Variants in VIPR2 observed in about 807,000 individuals in gnomAD.
The protein encoded by VIPR2 is vasoactive intestinal polypeptide receptor 2.
A neutral mutation model predicts 58.0 loss-of-function variants in VIPR2; 48 were observed. That is an observed-to-expected ratio of 0.83 (90% CI 0.66 to 1.05). The LOEUF (loss-of-function observed/expected upper bound fraction) is 1.05, where lower values mean the gene tolerates loss of function less well. Ranked by LOEUF, VIPR2 falls within the 50% of genes least tolerant of loss-of-function variation. The pLI is 0.00. For missense variants in VIPR2, 534 were observed against 558.0 expected, an observed-to-expected ratio of 0.96 and a Z score of 0.43; for synonymous variants, 243 against 235.2, an observed-to-expected ratio of 1.03 and a Z score of -0.30.
At chr7:159,112,744 C>CCCGGCT (rs1796079139) in intron 2 of VIPR2, among the ~76,000 whole-genome samples, 1 of 99,838 alleles carries the variant, frequency 1.0e-5, no homozygotes, top group East Asian at 4.6e-4. Context: ...TACCTGGGAC[C>CCCGGCT]GACCCTGACT....
intron 7 of VIPR2, 96 bp downstream of exon 7, chr7:159,036,656 G>T: frequency 7.0e-7 from 1 of 1,438,692 alleles, no homozygotes; most frequent in Non-Finnish European, 9.3e-7. Context: ...TGCATTCTAC[G>T]GGGGCGGCAA....
At position 159,099,769 on chromosome 7, in the gene VIPR2, C is replaced by T. The variant is rs1442417454; in HGVS notation, c.357+3988G>A. 2.0e-5 allele frequency among the ~76,000 whole-genome samples: 3 copies of T among 152,044 alleles called. No individual in the cohort carries two copies. Among genetic ancestry groups the T allele is most frequent in the Non-Finnish European group, 2.9e-5 (2 of 68,002 alleles). On this transcript the variant is annotated intron_variant, in intron 4 of 12. Coordinates refer to ENST00000262178, the MANE Select transcript of VIPR2 (RefSeq NM_003382.5). This position sits in a 1 kb window ranked among gnomAD's most constrained non-coding sequence, Gnocchi z 4.2. ...GGGGATCCCACCTGGACCTTGAAAT[C>T]CCCCCCAGGCCACAGAAGCCCCTGA... is the stretch of plus-strand genomic sequence containing the variant.
intron 2 of VIPR2, among the ~76,000 whole-genome samples, chr7:159,115,538 A>G (rs1796203492): frequency 6.6e-6 from 1 of 152,254 alleles, no homozygotes; most frequent in Non-Finnish European, 1.5e-5. Flanking sequence ...CCTCTCACCC[A>G]AAGTCATGGT....
intron 1 of VIPR2, 95 bp downstream of exon 1, chr7:159,144,626 G>A: frequency 1.4e-6 from 2 of 1,383,036 alleles, no homozygotes; most frequent in Non-Finnish European, 1.9e-6. Context: ...TCCAGCACCC[G>A]GGAGGAAGGC....
intron 5 of VIPR2, among the ~76,000 whole-genome samples, chr7:159,043,829 TGAATAA>T (rs1244673508): frequency 6.6e-6 from 1 of 152,202 alleles, no homozygotes; most frequent in Non-Finnish European, 1.5e-5. Flanking sequence ...GGAAGCTGAA[TGAATAA>T]GCTCCCGCCA....
chr7:159,046,233 G>T lies in VIPR2; in HGVS notation c.456-3057C>A, dbSNP rs74344236. Among the ~76,000 whole-genome samples the T allele has an allele frequency of 2.6e-4, 40 of 152,238 alleles. No homozygotes were observed. In the South Asian group the frequency reaches 4.6e-3, roughly 17 times the overall value. Reference sequence around the variant, plus strand: ...TTGTAGGTATACGCTCCAAAGAGTTGGAAACAAGTTTTCAAACAAAACGTG... The same window carrying T: ...TTGTAGGTATACGCTCCAAAGAGTTTGAAACAAGTTTTCAAACAAAACGTG... On this transcript the variant is annotated intron_variant, in intron 5 of 12. Coordinates refer to ENST00000262178, the MANE Select transcript of VIPR2 (RefSeq NM_003382.5).
At position 159,040,733 on chromosome 7, in the gene VIPR2, C is replaced by G. The variant is rs1234122121; in HGVS notation, c.597+2302G>C. Among the ~76,000 whole-genome samples, 3 of 152,206 alleles carry G rather than the reference C, an allele frequency of 2.0e-5. No individual in the cohort carries two copies. In the South Asian group the frequency reaches 6.2e-4, roughly 32 times the overall value. On this transcript the variant is annotated intron_variant, in intron 6 of 12. Transcript: ENST00000262178. ...CAAAAAAATTCAACTGGAAGGAAAG[C>G]TATTTTTCCTGTTTCTTATACTGAG...
At chr7:159,081,337 T>C (rs1342573416) in intron 4 of VIPR2, among the ~76,000 whole-genome samples, 2 of 152,238 alleles carry the variant, frequency 1.3e-5, no homozygotes, top group African/African-American at 4.8e-5. Context: ...ATCTGATCTT[T>C]GACAAACCTG....
At chr7:159,061,921 G>C (rs968001203) in intron 4 of VIPR2, among the ~76,000 whole-genome samples, 16 of 152,298 alleles carry the variant, frequency 1.1e-4, no homozygotes, top group African/African-American at 2.6e-4. Flanking sequence ...CTGGGATCCC[G>C]GTGGGAGGGG....
intron 4 of VIPR2, among the ~76,000 whole-genome samples, chr7:159,069,612 C>T (rs1310273281): frequency 2.0e-5 from 3 of 146,650 alleles, no homozygotes; most frequent in Non-Finnish European, 1.5e-5. Context: ...TGGTCTCCAA[C>T]CCTGTTTTCT....
rs1478979714 is a variant in VIPR2, at chr7:159,128,861, C to T, written c.151+13585G>A. 6.6e-6 allele frequency among the ~76,000 whole-genome samples: 1 copy of T among 152,224 alleles called. No homozygotes were observed. Among genetic ancestry groups the T allele is most frequent in the Non-Finnish European group, 1.5e-5 (1 of 68,034 alleles). Reference sequence around the variant, plus strand: ...TCTCCCTCAACTGCTCCCTCCTTCCCTCCCTGCGGCTGAGCTCAGTCCTGA... The same window carrying T: ...TCTCCCTCAACTGCTCCCTCCTTCCTTCCCTGCGGCTGAGCTCAGTCCTGA... On this transcript the variant is annotated intron_variant, in intron 2 of 12. Transcript: ENST00000262178. This position sits in a 1 kb window ranked among gnomAD's most constrained non-coding sequence, Gnocchi z 4.1.
intron 4 of VIPR2, among the ~76,000 whole-genome samples, chr7:159,062,420 A>G (rs1188779802): frequency 6.6e-6 from 1 of 152,120 alleles, no homozygotes; most frequent in East Asian, 1.9e-4. Context: ...ATGTTCGGAC[A>G]TGTTTAGAGT....
chr7:159,036,766 AG>A lies in VIPR2; in HGVS notation c.733del (p.Leu245SerfsTer2). The A allele has an allele frequency of 6.2e-7, 1 of 1,613,434 alleles. No homozygotes were observed. The highest frequency in any genetic ancestry group is 8.5e-7 in the Non-Finnish European group (1 of 1,179,750). On this transcript the variant is annotated frameshift_variant, in exon 7 of 13. Coordinates refer to ENST00000262178, the MANE Select transcript of VIPR2 (RefSeq NM_003382.5). LOFTEE classifies it high-confidence loss of function. Reference sequence around the variant, plus strand: ...GGCACACTTACCCCATCCGATCAGGAGGTAGGCCAGGAAGCACCTTCTAGGG... The same window carrying A: ...GGCACACTTACCCCATCCGATCAGGAGTAGGCCAGGAAGCACCTTCTAGGG... Reference protein sequence around the residue: ...LPPRRCFLAYLLIGWGLPTVC... With the variant: ...LPPRRCFLAYXLIGWGLPTVC...
chr7:159,052,972 ATGT>A (rs1034224701), intron 5 of VIPR2, among the ~76,000 whole-genome samples: 3 of 152,334 alleles, frequency 2.0e-5, no homozygotes, highest in African/African-American at 7.2e-5. Flanking sequence ...AAATAAGAAA[ATGT>A]TGTTTGCTAT....
chr7:159,141,929 T>C (rs1272516109), intron 2 of VIPR2, among the ~76,000 whole-genome samples: 2 of 152,234 alleles, frequency 1.3e-5, no homozygotes, highest in East Asian at 3.8e-4. Context: ...TGGAGCATGA[T>C]GGCCCAGCAT....
chr7:159,031,538 TTC>T lies in VIPR2; in HGVS notation c.1143+288_1143+289del, dbSNP rs1478264373. 5.1e-6 allele frequency: 5 copies of T among 984,858 alleles called. No individual in the cohort carries two copies. Among genetic ancestry groups the T allele is most frequent in the Admixed American group, 6.2e-5 (1 of 16,248 alleles). 61.0% of individuals were successfully genotyped at this position (984,858 alleles called of 1,614,324 possible). ...GACGCCGACCATGGGGAAAAACAGATTCTGTCTAGACCCGGCCGGGAGCTTTC... is the reference window on the plus strand; with the variant it reads ...GACGCCGACCATGGGGAAAAACAGATTGTCTAGACCCGGCCGGGAGCTTTC... On this transcript the variant is annotated intron_variant, in intron 12 of 12. Coordinates refer to ENST00000262178, the MANE Select transcript of VIPR2 (RefSeq NM_003382.5). This position sits in a 1 kb window ranked among gnomAD's most constrained non-coding sequence, Gnocchi z 4.0.
chr7:159,144,385 G>GCAGCTCC (rs1213507153), intron 1 of VIPR2: 6 of 1,543,666 alleles, frequency 3.9e-6, no homozygotes, highest in Non-Finnish European at 4.4e-6. Flanking sequence ...GCAGGCGCCC[G>GCAGCTCC]CAGCTCCCAG....
In VIPR2 at chr7:159,037,250, C is replaced by G. The variant is rs532810632; in HGVS notation, c.598-348G>C. 2.0e-5 allele frequency among the ~76,000 whole-genome samples: 3 copies of G among 152,358 alleles called. No homozygotes were observed. The South Asian group carries it at 6.2e-4, about 32-fold the overall frequency. On this transcript the variant is annotated intron_variant, in intron 6 of 12. Coordinates refer to ENST00000262178, the MANE Select transcript of VIPR2 (RefSeq NM_003382.5). Reference sequence around the variant, plus strand: ...GCTCCTCCCCTCGGCTACTCCACTTCCCCTTCTCTGACCTGCTTCAACACG... The same window carrying G: ...GCTCCTCCCCTCGGCTACTCCACTTGCCCTTCTCTGACCTGCTTCAACACG...
chr7:159,052,500 A>G (rs996237306), intron 5 of VIPR2, among the ~76,000 whole-genome samples: 2 of 152,214 alleles, frequency 1.3e-5, no homozygotes, highest in African/African-American at 2.4e-5. Flanking sequence ...ATAACATCTT[A>G]TCTAACCTAA....
Sources: gnomAD v4.1 joint callset for allele counts (sites outside exome capture counted in the v4.1 genomes callset) on GRCh38, gnomAD v4.1.1 for gene constraint, Gnocchi (gnomAD v3.1) non-coding constraint, MANE v1.5 for transcripts, NCBI Gene and HGNC (gene_info 2026-07-23, HGNC 2026-07-21) for gene names.